The following PIAS2 variants were observed in gnomAD, a reference collection of about 807,000 sequenced individuals.
PIAS2 encodes protein inhibitor of activated STAT 2, also known as E3 SUMO-protein ligase PIAS2.
Under a neutral mutation model 69.7 loss-of-function variants are expected in PIAS2, and 19 were observed. The ratio of observed to expected loss-of-function variants is 0.27; its 90% confidence interval spans 0.19 to 0.40. The LOEUF is 0.40. Among genes scored for constraint, PIAS2 ranks in the 10% least tolerant of loss-of-function variants. The pLI, the probability that PIAS2 is intolerant of heterozygous loss-of-function variation, is 1.00. For missense variants in PIAS2, 624 were observed against 757.0 expected (o/e 0.82, Z 2.06); for synonymous variants, 261 against 263.2 (o/e 0.99, Z 0.08).
intron 3 of PIAS2, among the ~76,000 whole-genome samples, chr18:46,860,361 T>A (rs937024156): frequency 6.6e-6 from 1 of 152,182 alleles, no homozygotes; most frequent in Non-Finnish European, 1.5e-5. Flanking sequence ...ATATGCTAGA[T>A]CAAATAGATC....
chr18:46,826,375 C>T (rs778145870), intron 11 of PIAS2, among the ~76,000 whole-genome samples: 1 of 152,096 alleles, frequency 6.6e-6, no homozygotes, highest in East Asian at 1.9e-4. Flanking sequence ...GAGGGTAGAC[C>T]CTTGTGGCAT....
At chr18:46,843,960 A>G in intron 8 of PIAS2, 94 bp downstream of exon 8, 5 of 691,262 alleles carry the variant, frequency 7.2e-6, no homozygotes, top group Non-Finnish European at 9.8e-6. Flanking sequence ...AGCATTCTTC[A>G]TAATATATCA....
At position 46,917,454 on chromosome 18, in the gene PIAS2, T is replaced by C. The variant is rs1431738879; in HGVS notation, c.-109A>G. The C allele has an allele frequency of 2.5e-5, 31 of 1,230,898 alleles. No individual in the cohort carries two copies. The highest frequency in any genetic ancestry group is 3.6e-5 in the South Asian group (1 of 27,662). The allele number at this position is 1,230,898 out of a possible 1,614,324, so 76.2% of individuals were successfully genotyped here. Reference sequence around the variant, plus strand: ...CGCCGCCTCCAGCACCATCCTGCACTGGGCGCCGCTTAAGACGCCGCGGCC... The same window carrying C: ...CGCCGCCTCCAGCACCATCCTGCACCGGGCGCCGCTTAAGACGCCGCGGCC... On this transcript the variant is annotated 5_prime_UTR_variant, in exon 1 of 14. Transcript: ENST00000585916.
chr18:46,917,598 C>T (rs1207994999), upstream of PIAS2: 7 of 1,018,640 alleles, frequency 6.9e-6, no homozygotes, highest in Middle Eastern at 4.5e-4. Flanking sequence ...CCGCCCGCGC[C>T]TTCAGTCCGC....
intron 1 of PIAS2, among the ~76,000 whole-genome samples, chr18:46,893,175 G>A (rs567328694): frequency 4.6e-4 from 70 of 152,276 alleles, no homozygotes; most frequent in Non-Finnish European, 7.4e-4. Flanking sequence ...GCATTAAACA[G>A]AAGACAACAG....
At chr18:46,826,167 C>T (rs144250418) in intron 11 of PIAS2, among the ~76,000 whole-genome samples, 2,432 of 152,282 alleles carry the variant, frequency 0.016, 42 homozygotes, top group Middle Eastern at 0.027. Flanking sequence ...CTTATACTTA[C>T]CAATGTTAGT....
intron 5 of PIAS2, among the ~76,000 whole-genome samples, chr18:46,849,464 T>C: frequency 6.6e-6 from 1 of 152,118 alleles, no homozygotes. Context: ...AAAAATAAAG[T>C]CAAGTTCATG....
intron 11 of PIAS2, 34 bp from the exon 12 acceptor site, chr18:46,821,106 C>A (rs1356411161): frequency 6.2e-7 from 1 of 1,610,192 alleles, no homozygotes; most frequent in Non-Finnish European, 8.5e-7. Flanking sequence ...TACAAACAAT[C>A]TGGCTGTTAG....
At chr18:46,845,380 G>T (rs1017598834) in intron 6 of PIAS2, among the ~76,000 whole-genome samples, 1 of 152,090 alleles carries the variant, frequency 6.6e-6, no homozygotes, top group Non-Finnish European at 1.5e-5. Context: ...AGTAAATCAC[G>T]CAAATGAACC....
At chr18:46,830,785 C>T (rs1448391060) in intron 9 of PIAS2, among the ~76,000 whole-genome samples, 3 of 152,132 alleles carry the variant, frequency 2.0e-5, no homozygotes, top group Non-Finnish European at 4.4e-5. Context: ...CCAATGTCTT[C>T]TCTAGGGAAT....
chr18:46,891,369 A>G, intron 1 of PIAS2: 1 of 346,516 alleles, frequency 2.9e-6, no homozygotes, highest in Non-Finnish European at 5.4e-6. Context: ...TATGACTATA[A>G]AATCTATCAC....
At chr18:46,870,737 T>C (rs1286289627) in intron 2 of PIAS2, among the ~76,000 whole-genome samples, 1 of 151,088 alleles carries the variant, frequency 6.6e-6, no homozygotes, top group Non-Finnish European at 1.5e-5. Context: ...GCAGAGTTAA[T>C]GACCATCCTG....
intron 11 of PIAS2, among the ~76,000 whole-genome samples, chr18:46,824,624 A>G (rs778291289): frequency 6.6e-6 from 1 of 152,166 alleles, no homozygotes; most frequent in Non-Finnish European, 1.5e-5. Context: ...TCTAGGTGAG[A>G]TATTTTTTGC....
chr18:46,862,646 C>CATATATAT (rs1415526996), intron 3 of PIAS2, among the ~76,000 whole-genome samples: 35 of 151,458 alleles, frequency 2.3e-4, no homozygotes, highest in Non-Finnish European at 4.0e-4. Context: ...CATATATATA[C>CATATATAT]ACATATATAC....
At chr18:46,919,541 C>T (rs879636373), upstream of PIAS2, among the ~76,000 whole-genome samples, 1 of 151,572 alleles carries the variant, frequency 6.6e-6, no homozygotes, top group Non-Finnish European at 1.5e-5. Flanking sequence ...CCCAGCTACT[C>T]GTGAGGCTGA....
At chr18:46,829,516 C>T (rs773502808) in intron 10 of PIAS2, among the ~76,000 whole-genome samples, 2 of 152,100 alleles carry the variant, frequency 1.3e-5, no homozygotes, top group Non-Finnish European at 2.9e-5. Context: ...TTCCTTTATT[C>T]TACACAGGAA....
intron 1 of PIAS2, chr18:46,901,188 C>T (rs551348672): frequency 1.4e-4 from 47 of 341,010 alleles, no homozygotes; most frequent in Non-Finnish European, 2.1e-4. Context: ...GAGGCCAAGG[C>T]GGGCGGATCA....
In PIAS2 at chr18:46,803,337, T is replaced by A. The variant is rs992016665; in HGVS notation, c.*9096A>T. On this transcript the variant is annotated 3_prime_UTR_variant, in exon 14 of 14. Coordinates refer to ENST00000585916, the MANE Select transcript of PIAS2 (RefSeq NM_004671.5). ...TTTAAAAAATGGATACTTACTTTTT[T>A]AGGTTGTATCAGCAGCTTTTAACTC... 6.6e-6 allele frequency: 1 copy of A among 152,224 alleles called. No homozygotes were observed. The highest frequency in any genetic ancestry group is 1.9e-4 in the East Asian group (1 of 5,198). 9.4% of individuals were successfully genotyped at this position (152,224 alleles called of 1,614,324 possible). A position where few individuals can be genotyped will look rare whatever the true frequency, so the allele number is the denominator to read the frequency against.
chr18:46,856,066 C>T (rs1169225918), intron 3 of PIAS2, among the ~76,000 whole-genome samples: 45 of 121,490 alleles, frequency 3.7e-4, no homozygotes, highest in African/African-American at 8.0e-4. Context: ...AGTGCAGTGG[C>T]GCGATCTTGG....
Sources: allele counts gnomAD v4.1 joint callset (sites outside exome capture counted in the v4.1 genomes callset), GRCh38; gene constraint gnomAD v4.1.1; transcripts MANE v1.5; gene names NCBI Gene and HGNC (gene_info 2026-07-23, HGNC 2026-07-21).